The following CACNA1C variants were observed in gnomAD, a reference collection of about 807,000 sequenced individuals.
CACNA1C encodes calcium voltage-gated channel subunit alpha1 C.
In CACNA1C, 30 loss-of-function variants were observed where a neutral mutation model predicts 229.0. The observed-to-expected ratio is 0.13, with a 90% confidence interval of 0.10 to 0.18. The LOEUF is 0.18. Ranked by LOEUF, CACNA1C falls within the 10% of genes least tolerant of loss-of-function variation. The pLI is 1.00. For missense variants in CACNA1C, 1,658 were observed against 2,845.0 expected (o/e 0.58, Z 9.49); for synonymous variants, 1,114 against 1,132.5 (o/e 0.98, Z 0.33).
chr12:2,096,257 G>A (rs969413683), intron 1 of CACNA1C, among the ~76,000 whole-genome samples: 3 of 152,246 alleles, frequency 2.0e-5, no homozygotes, highest in African/African-American at 7.2e-5. Context: ...GTTTGTGCAT[G>A]TGCACATATG....
chr12:2,615,679 A>G lies in CACNA1C; in HGVS notation c.3828+3666A>G, dbSNP rs116083617. Among the ~76,000 whole-genome samples the G allele has an allele frequency of 9.6e-3, 1,456 of 152,298 alleles. 30 individuals carry two copies. The highest frequency in any genetic ancestry group is 0.033 in the African/African-American group (1,392 of 41,562). The stretch of plus-strand genomic sequence containing the variant: ...CCCTTCGGGCAGCTCTGAGGTCACC[A>G]AGGAGGGAATGCACAGGAGCCTGGC... On this transcript the variant is annotated intron_variant, in intron 29 of 46. Transcript: ENST00000399655.
chr12:2,150,464 A>G (rs2095137911), intron 3 of CACNA1C, among the ~76,000 whole-genome samples: 1 of 152,300 alleles, frequency 6.6e-6, no homozygotes, highest in East Asian at 1.9e-4. Flanking sequence ...ATGCTCACCA[A>G]AGAAGAACAA....
chr12:2,681,711 A>G (rs979903598), intron 42 of CACNA1C, among the ~76,000 whole-genome samples: 22 of 151,792 alleles, frequency 1.4e-4, no homozygotes, highest in Admixed American at 9.8e-4. Context: ...CCTCCTCGAG[A>G]GAGAGAATTG....
intron 3 of CACNA1C, among the ~76,000 whole-genome samples, chr12:2,216,517 T>C (rs1346134569): frequency 6.6e-6 from 1 of 152,156 alleles, no homozygotes; most frequent in Non-Finnish European, 1.5e-5. Context: ...TGGGTTTTGA[T>C]GGGAGGAAAG....
At chr12:2,384,920 C>T (rs2098342563) in intron 3 of CACNA1C, among the ~76,000 whole-genome samples, 1 of 152,192 alleles carries the variant, frequency 6.6e-6, no homozygotes, top group Non-Finnish European at 1.5e-5. Context: ...GTCTCTGTCC[C>T]ATTCGGCTTT....
chr12:1,986,721 T>C (rs903693625), intron 1 of CACNA1C, among the ~76,000 whole-genome samples: 2 of 152,120 alleles, frequency 1.3e-5, no homozygotes, highest in African/African-American at 4.8e-5. Flanking sequence ...CAAAGCCAGT[T>C]GATAAAAGAG....
At chr12:2,534,311 T>C (rs1229371329) in intron 9 of CACNA1C, among the ~76,000 whole-genome samples, 1 of 151,982 alleles carries the variant, frequency 6.6e-6, no homozygotes, top group Non-Finnish European at 1.5e-5. Flanking sequence ...TGTAGTTAGA[T>C]GGGTAGAGTG....
chr12:2,332,891 A>AT (rs1212574759), intron 3 of CACNA1C, among the ~76,000 whole-genome samples: 3 of 152,216 alleles, frequency 2.0e-5, no homozygotes, highest in Admixed American at 6.5e-5. Context: ...ACTTTTTAAT[A>AT]TTTTTTTAGT....
intron 3 of CACNA1C, among the ~76,000 whole-genome samples, chr12:2,290,451 G>A (rs570400851): frequency 6.6e-6 from 1 of 152,284 alleles, no homozygotes; most frequent in Non-Finnish European, 1.5e-5. Context: ...TATGTTGGAG[G>A]ATATGTATAA....
At position 2,512,978 on chromosome 12, in the gene CACNA1C, C is replaced by A. The variant is rs761430418; in HGVS notation, c.1384C>A (p.Arg462=). 2 of 1,600,316 alleles carry A rather than the reference C, an allele frequency of 1.2e-6. No individual in the cohort carries two copies. The highest frequency in any genetic ancestry group is 2.3e-5 in the East Asian group (1 of 44,324). ...CGAAGGCATGGATGAGGAGAAGCCC[C>A]GAAACAGTGAGCAGCCGTCTTCTTC... is the stretch of plus-strand genomic sequence containing the variant. ...EDEGMDEEKP[R]NMSMPTSETE... The change falls in exon 9 of 47, where the codon CGA becomes AGA. Residue 462 remains arginine, a synonymous_variant. Coordinates refer to ENST00000399655, the MANE Select transcript of CACNA1C (RefSeq NM_000719.7). The surrounding 1 kb of genome is among the most constrained non-coding windows in gnomAD (Gnocchi z 4.3).
chr12:2,115,403 A>G lies in CACNA1C; in HGVS notation c.229A>G (p.Ser77Gly), dbSNP rs1394254631. 1 of 1,611,978 alleles carries G rather than the reference A, an allele frequency of 6.2e-7. No individual in the cohort carries two copies. Among genetic ancestry groups the G allele is most frequent in the East Asian group, 2.2e-5 (1 of 44,864 alleles). The change falls in exon 2 of 47, where the codon AGC (serine) becomes GGC (glycine). Residue 77 changes from serine (S) to glycine (G), a missense_variant. By Grantham distance (56) the Ser-to-Gly change is moderately conservative. Around this residue, in one of 20 missense-constraint regions of CACNA1C, gnomAD observed 111 missense variants for 128.0 expected, o/e 0.87. Coordinates refer to ENST00000399655, the MANE Select transcript of CACNA1C (RefSeq NM_000719.7). ...TGGCAATGCGACCATCTCCACAGTCAGCTCCACGCAGCGGAAGCGGCAGCA... is the reference window on the plus strand; with the variant it reads ...TGGCAATGCGACCATCTCCACAGTCGGCTCCACGCAGCGGAAGCGGCAGCA... ...SAGNATISTV[S>G]STQRKRQQYG... is the part of the protein sequence containing the mutation.
intron 3 of CACNA1C, among the ~76,000 whole-genome samples, chr12:2,246,975 C>T (rs928704363): frequency 6.6e-6 from 1 of 152,208 alleles, no homozygotes; most frequent in African/African-American, 2.4e-5. Flanking sequence ...CATGCCTACA[C>T]ATGCCTGCAA....
intron 3 of CACNA1C, among the ~76,000 whole-genome samples, chr12:2,397,536 T>C (rs1317701649): frequency 6.6e-6 from 1 of 152,366 alleles, no homozygotes; most frequent in South Asian, 2.1e-4. Context: ...CTTGATTGAC[T>C]GGGTGGCCCT....
chr12:2,675,142 T>C (rs892591841), intron 39 of CACNA1C, among the ~76,000 whole-genome samples: 3 of 152,232 alleles, frequency 2.0e-5, no homozygotes, highest in African/African-American at 7.2e-5. Context: ...AAAGAGTTTA[T>C]ATTGCCTTTA....
chr12:2,256,820 C>T (rs1396945533), intron 3 of CACNA1C, among the ~76,000 whole-genome samples: 1 of 152,180 alleles, frequency 6.6e-6, no homozygotes, highest in Non-Finnish European at 1.5e-5. Flanking sequence ...TTGATTAAAA[C>T]ACTCCACAGG....
intron 3 of CACNA1C, among the ~76,000 whole-genome samples, chr12:2,168,040 G>A (rs1455397505): frequency 1.3e-5 from 2 of 152,182 alleles, no homozygotes; most frequent in Admixed American, 1.3e-4. Flanking sequence ...TTCAAGAACT[G>A]CAAGTAGGTC....
chr12:2,161,807 C>A (rs907890374), intron 3 of CACNA1C, among the ~76,000 whole-genome samples: 1 of 152,146 alleles, frequency 6.6e-6, no homozygotes, highest in East Asian at 1.9e-4. Context: ...TTTGCAAGCC[C>A]GTTTATATAC....
At position 2,181,796 on chromosome 12, in the gene CACNA1C, C is replaced by T. The variant is rs1333252035; in HGVS notation, c.477+61366C>T. On this transcript the variant is annotated intron_variant, in intron 3 of 46. Coordinates refer to ENST00000399655, the MANE Select transcript of CACNA1C (RefSeq NM_000719.7). The surrounding 1 kb of genome is among the most constrained non-coding windows in gnomAD (Gnocchi z 4.0). ...GTTATTACCCTTTTATAGATGAGAACACTGGAGCTTAGCGAGGGTAAGTAA... is the reference window on the plus strand; with the variant it reads ...GTTATTACCCTTTTATAGATGAGAATACTGGAGCTTAGCGAGGGTAAGTAA... Among the ~76,000 whole-genome samples, 3 of 152,028 alleles carry T rather than the reference C, an allele frequency of 2.0e-5. No homozygotes were observed. Among genetic ancestry groups the T allele is most frequent in the Admixed American group, 6.5e-5 (1 of 15,270 alleles).
intron 3 of CACNA1C, among the ~76,000 whole-genome samples, chr12:2,274,036 G>T (rs908380121): frequency 6.6e-6 from 1 of 152,228 alleles, no homozygotes; most frequent in East Asian, 1.9e-4. Context: ...GAGCTATCCT[G>T]GCCTCAGTGT....
Sources: gnomAD v4.1 joint callset for allele counts (sites outside exome capture counted in the v4.1 genomes callset) on GRCh38, gnomAD v4.1.1 for gene constraint, gnomAD v4.1.1 regional missense constraint, Gnocchi (gnomAD v3.1) non-coding constraint, MANE v1.5 for transcripts, NCBI Gene and HGNC (gene_info 2026-07-23, HGNC 2026-07-21) for gene names.